BRINP3: variants seen among roughly 807,000 people sequenced by gnomAD.
BRINP3 encodes BMP/retinoic acid-inducible neural-specific protein 3.
A neutral mutation model predicts 71.0 loss-of-function variants in BRINP3; 19 were observed. That is an observed-to-expected ratio of 0.27 (90% CI 0.19 to 0.39). BRINP3 has a LOEUF of 0.39. BRINP3 is among the 10% of genes least tolerant of loss of function. BRINP3 has a pLI of 1.00. For synonymous variants in BRINP3, 380 were observed against 337.7 expected (o/e 1.13, Z -1.37); for missense variants, 959 against 940.8 (o/e 1.02, Z -0.25).
At chr1:190,407,546 A>C (rs1672363416) in intron 2 of BRINP3, among the ~76,000 whole-genome samples, 1 of 152,180 alleles carries the variant, frequency 6.6e-6, no homozygotes, top group Admixed American at 6.5e-5. Flanking sequence ...TTATTTAGTA[A>C]ATTATGAAAG....
At chr1:190,147,370 G>A (rs1457236513) in intron 7 of BRINP3, among the ~76,000 whole-genome samples, 1 of 151,896 alleles carries the variant, frequency 6.6e-6, no homozygotes, top group Admixed American at 6.6e-5. Context: ...ATTTATTTCA[G>A]GATAAAGTTT....
At chr1:190,461,244 C>A (rs1676378617) in intron 1 of BRINP3, among the ~76,000 whole-genome samples, 1 of 152,148 alleles carries the variant, frequency 6.6e-6, no homozygotes, top group Admixed American at 6.5e-5. Context: ...TGTTTTTCAG[C>A]CATGACCATA....
chr1:190,207,420 G>A (rs562670102), intron 6 of BRINP3, among the ~76,000 whole-genome samples: 6 of 152,068 alleles, frequency 3.9e-5, no homozygotes, highest in South Asian at 2.1e-4. Flanking sequence ...AATTAACTCC[G>A]AGATCTTTAC....
At chr1:190,351,705 G>A (rs143876299) in intron 2 of BRINP3, among the ~76,000 whole-genome samples, 2 of 152,174 alleles carry the variant, frequency 1.3e-5, no homozygotes, top group Non-Finnish European at 2.9e-5. Flanking sequence ...GGCTATCATA[G>A]ATTCATGCAG....
At chr1:190,243,136 G>A (rs1456884042) in intron 4 of BRINP3, among the ~76,000 whole-genome samples, 1 of 152,036 alleles carries the variant, frequency 6.6e-6, no homozygotes, top group Non-Finnish European at 1.5e-5. Flanking sequence ...GACAACAGAA[G>A]TTTTCTAAGG....
At chr1:190,450,464 T>G (rs2102607670) in intron 2 of BRINP3, among the ~76,000 whole-genome samples, 1 of 152,300 alleles carries the variant, frequency 6.6e-6, no homozygotes, top group Non-Finnish European at 1.5e-5. Context: ...TACAGTATTT[T>G]AATAGGAAGT....
chr1:190,164,959 T>C (rs1317538049), intron 6 of BRINP3, among the ~76,000 whole-genome samples: 1 of 152,118 alleles, frequency 6.6e-6, no homozygotes, highest in African/African-American at 2.4e-5. Context: ...TATGTGTTTT[T>C]TTAAATCAAT....
At chr1:190,141,083 TAGC>T (rs113976806) in intron 7 of BRINP3, among the ~76,000 whole-genome samples, 38 of 152,336 alleles carry the variant, frequency 2.5e-4, no homozygotes, top group African/African-American at 8.9e-4. Context: ...CCCTTGGCTT[TAGC>T]ATTTTAATGC....
chr1:190,206,552 T>G (rs1655518749), intron 6 of BRINP3, among the ~76,000 whole-genome samples: 1 of 152,106 alleles, frequency 6.6e-6, no homozygotes, highest in Non-Finnish European at 1.5e-5. Context: ...AAAAAATACT[T>G]AAGAATTGTT....
intron 2 of BRINP3, among the ~76,000 whole-genome samples, chr1:190,306,446 T>C (rs1665104744): frequency 1.3e-5 from 2 of 151,808 alleles, no homozygotes; most frequent in South Asian, 4.1e-4. Flanking sequence ...TTAGAGAAAA[T>C]AAAACTATAT....
intron 2 of BRINP3, among the ~76,000 whole-genome samples, chr1:190,448,441 T>C (rs1675372839): frequency 6.7e-6 from 1 of 148,554 alleles, no homozygotes; most frequent in African/African-American, 2.5e-5. Flanking sequence ...ATCTTTTTTC[T>C]TAACACCCCT....
At chr1:190,211,775 C>A (rs1475387037) in intron 6 of BRINP3, among the ~76,000 whole-genome samples, 2 of 152,076 alleles carry the variant, frequency 1.3e-5, no homozygotes, top group East Asian at 3.9e-4. Context: ...ACCTGTTTGG[C>A]ACTCCATAGC....
At chr1:190,209,880 C>T (rs72729165) in intron 6 of BRINP3, among the ~76,000 whole-genome samples, 9,103 of 152,066 alleles carry the variant, frequency 0.06, 346 homozygotes, top group East Asian at 0.11. Context: ...TAAGAATAGT[C>T]CACTTGTATG....
intron 3 of BRINP3, among the ~76,000 whole-genome samples, chr1:190,267,844 A>G (rs886092757): frequency 6.6e-6 from 1 of 152,132 alleles, no homozygotes; most frequent in African/African-American, 2.4e-5. Context: ...CAAAAAATTA[A>G]CATACCCAAA....
chr1:190,175,022 A>T (rs1490561476), intron 6 of BRINP3, among the ~76,000 whole-genome samples: 1 of 152,158 alleles, frequency 6.6e-6, no homozygotes, highest in African/African-American at 2.4e-5. Context: ...GCCAGTCATA[A>T]AAGATATAAA....
chr1:190,244,471 T>A (rs1012231251), intron 4 of BRINP3, among the ~76,000 whole-genome samples: 3 of 152,114 alleles, frequency 2.0e-5, no homozygotes, highest in Non-Finnish European at 4.4e-5. Flanking sequence ...AATTGAATTA[T>A]CTGTTTTGCT....
chr1:190,327,352 G>T (rs925322830), intron 2 of BRINP3, among the ~76,000 whole-genome samples: 1 of 77,430 alleles, frequency 1.3e-5, no homozygotes, highest in East Asian at 3.8e-4. Context: ...AAAAAAAAAG[G>T]AAAAAAAAAA....
chr1:190,370,245 A>G (rs1318442578), intron 2 of BRINP3, among the ~76,000 whole-genome samples: 3 of 152,192 alleles, frequency 2.0e-5, no homozygotes, highest in African/African-American at 7.2e-5. Flanking sequence ...AACATTGTTA[A>G]CCTAATCAAG....
At chr1:190,198,996 C>A (rs1654750919) in intron 6 of BRINP3, among the ~76,000 whole-genome samples, 1 of 149,734 alleles carries the variant, frequency 6.7e-6, no homozygotes, top group South Asian at 2.1e-4. Context: ...AGGAAAGGGG[C>A]TTGATGGATT....
Sources: gnomAD v4.1 joint callset for allele counts (sites outside exome capture counted in the v4.1 genomes callset) on GRCh38, gnomAD v4.1.1 for gene constraint, MANE v1.5 for transcripts, NCBI Gene and HGNC (gene_info 2026-07-23, HGNC 2026-07-21) for gene names.